Variants in PIK3CB observed in about 807,000 individuals in gnomAD.
The protein encoded by PIK3CB is phosphatidylinositol-4,5-bisphosphate 3-kinase catalytic subunit beta.
PIK3CB carries 39 observed loss-of-function variants against 136.8 expected under a neutral mutation model. The observed-to-expected ratio is 0.29, with a 90% CI of 0.22 to 0.37. The LOEUF (loss-of-function observed/expected upper bound fraction) is 0.37. Among genes scored for constraint, PIK3CB ranks in the 10% least tolerant of loss-of-function variants. The pLI, the probability that PIK3CB is intolerant of heterozygous loss-of-function variation, is 1.00. For synonymous variants in PIK3CB, 428 were observed against 436.6 expected (o/e 0.98, Z 0.25); for missense variants, 868 against 1,275.4 (o/e 0.68, Z 4.87).
At chr3:138,714,830 G>A in intron 8 of PIK3CB, 111 bp from the exon 9 acceptor site, 1 of 1,022,072 alleles carries the variant, frequency 9.8e-7, no homozygotes, top group South Asian at 1.8e-5. Flanking sequence ...TTATTTTGGA[G>A]AAGGAAGGAA....
intron 19 of PIK3CB, among the ~76,000 whole-genome samples, chr3:138,677,714 T>C (rs1032209687): frequency 1.3e-5 from 2 of 152,090 alleles, no homozygotes; most frequent in African/African-American, 4.8e-5. Flanking sequence ...CTGACCAACA[T>C]GGAGAAACCC....
intron 19 of PIK3CB, among the ~76,000 whole-genome samples, chr3:138,666,689 A>C (rs1368564800): frequency 5.3e-5 from 8 of 152,220 alleles, no homozygotes; most frequent in Non-Finnish European, 7.3e-5. Context: ...AATAAAGATC[A>C]GGTAGCTACA....
Position 138,705,646 on chromosome 3 carries a change from T to C in PIK3CB, c.1531-1153A>G, listed in dbSNP as rs912340803. Among the ~76,000 whole-genome samples, 22 of 152,318 alleles carry C rather than the reference T, an allele frequency of 1.4e-4. No homozygotes were observed. The East Asian group carries it at 4.2e-3, about 29-fold the overall frequency. Reference sequence around the variant, plus strand: ...ATTTAATTTGCTAATACTTTAAATGTACAGGTAGATTATCTTAAGTATTTA... The same window carrying C: ...ATTTAATTTGCTAATACTTTAAATGCACAGGTAGATTATCTTAAGTATTTA... On this transcript the variant is annotated intron_variant, in intron 11 of 23. Coordinates refer to ENST00000674063, the MANE Select transcript of PIK3CB (RefSeq NM_006219.3).
intron 2 of PIK3CB, among the ~76,000 whole-genome samples, chr3:138,775,355 T>C (rs1259130882): frequency 6.6e-6 from 1 of 152,222 alleles, no homozygotes; most frequent in Non-Finnish European, 1.5e-5. Flanking sequence ...ACACACTTGA[T>C]TGGGAGATGA....
At chr3:138,713,561 C>T (rs2044547983) in intron 9 of PIK3CB, among the ~76,000 whole-genome samples, 1 of 151,996 alleles carries the variant, frequency 6.6e-6, no homozygotes, top group Non-Finnish European at 1.5e-5. Context: ...ACCCCATTTA[C>T]TCAGGAGGCT....
intron 2 of PIK3CB, among the ~76,000 whole-genome samples, chr3:138,788,063 C>T (rs1460084212): frequency 6.6e-6 from 1 of 151,878 alleles, no homozygotes; most frequent in East Asian, 2.0e-4. Context: ...GCTGGCTCTA[C>T]AGGCATGCAC....
chr3:138,819,070 C>T (rs1009980739), intron 1 of PIK3CB, among the ~76,000 whole-genome samples: 35 of 152,146 alleles, frequency 2.3e-4, no homozygotes, highest in Non-Finnish European at 1.6e-4. Context: ...ACTACCGGGC[C>T]GGGCGCAGTG....
intron 19 of PIK3CB, among the ~76,000 whole-genome samples, chr3:138,669,787 TGTACAGAAG>T (rs2043496022): frequency 6.6e-6 from 1 of 152,154 alleles, no homozygotes; most frequent in Non-Finnish European, 1.5e-5. Context: ...AAAACAGTAA[TGTACAGAAG>T]GTACCTCAAG....
At chr3:138,719,402 T>C (rs946345529) in intron 8 of PIK3CB, among the ~76,000 whole-genome samples, 1 of 151,860 alleles carries the variant, frequency 6.6e-6, no homozygotes, top group Admixed American at 6.6e-5. Context: ...CGCACCACCA[T>C]GCCTGGCTAA....
chr3:138,810,846 G>T (rs1467340217), intron 1 of PIK3CB, among the ~76,000 whole-genome samples: 2 of 151,954 alleles, frequency 1.3e-5, no homozygotes, highest in Non-Finnish European at 2.9e-5. Flanking sequence ...CATGAACCCG[G>T]GAAGCGGAGC....
chr3:138,729,344 A>G (rs1004914254), intron 8 of PIK3CB, among the ~76,000 whole-genome samples: 1 of 152,070 alleles, frequency 6.6e-6, no homozygotes, highest in Admixed American at 6.6e-5. Context: ...ATTAGGTCAC[A>G]GGGTACCCTG....
At chr3:138,665,859 C>T (rs893099659) in intron 19 of PIK3CB, among the ~76,000 whole-genome samples, 1 of 152,120 alleles carries the variant, frequency 6.6e-6, no homozygotes. Context: ...TGTGAGCCAC[C>T]ACATCAGAGC....
At chr3:138,825,052 C>A (rs189456062) in intron 1 of PIK3CB, 10 of 237,184 alleles carry the variant, frequency 4.2e-5, no homozygotes, top group African/African-American at 6.8e-5. Context: ...CAGAGTGAGA[C>A]CCTGTCAAAA....
rs2043587900 is a variant in PIK3CB, at chr3:138,673,731, G to GA, written c.2504+8235dup. On this transcript the variant is annotated intron_variant, in intron 19 of 23. Coordinates refer to ENST00000674063, the MANE Select transcript of PIK3CB (RefSeq NM_006219.3). ...CATACACACACACACACCCCAACGTGAATCTGTTTTGTTTTACCATGGCCT... is the reference window on the plus strand; with the variant it reads ...CATACACACACACACACCCCAACGTGAAATCTGTTTTGTTTTACCATGGCCT... 2.0e-5 allele frequency among the ~76,000 whole-genome samples: 3 copies of GA among 152,102 alleles called. No homozygotes were observed. In the South Asian group the frequency reaches 6.2e-4, roughly 32 times the overall value.
chr3:138,670,524 A>T (rs555845037), intron 19 of PIK3CB, among the ~76,000 whole-genome samples: 3 of 152,336 alleles, frequency 2.0e-5, no homozygotes, highest in Admixed American at 2.0e-4. Context: ...TAGGCACTAC[A>T]GACTAAACAC....
chr3:138,665,090 G>A lies in PIK3CB; in HGVS notation c.2618C>T (p.Ala873Val), dbSNP rs746011245. The change falls in exon 20 of 24, where the codon GCA (alanine) becomes GTA (valine). Residue 873 changes from alanine (A) to valine (V), a missense_variant. By Grantham distance (64) the Ala-to-Val change is moderately conservative (BLOSUM62 0). Around this residue, in one of 4 missense-constraint regions of PIK3CB, gnomAD observed 165 missense variants for 295.4 expected, o/e 0.56. Transcript: ENST00000674063. ...AAGGGCATCTTTGTTGAAGGCTGCT[G>A]CAGCAGCCACATTGCTACTGTTCAG... is the stretch of plus-strand genomic sequence containing the variant. The part of the protein sequence containing the change: ...IQLNSSNVAA[A>V]AAFNKDALLN... 1 of 1,613,212 alleles carries A rather than the reference G, an allele frequency of 6.2e-7. No individual in the cohort carries two copies. Among genetic ancestry groups the A allele is most frequent in the South Asian group, 1.1e-5 (1 of 90,924 alleles).
chr3:138,688,990 G>A lies in PIK3CB; in HGVS notation c.2037-16C>T, dbSNP rs2108500828. 1 of 1,487,126 alleles carries A rather than the reference G, an allele frequency of 6.7e-7. No homozygotes were observed. Among genetic ancestry groups the A allele is most frequent in the South Asian group, 1.1e-5 (1 of 88,138 alleles). The allele number at this position is 1,487,126 out of a possible 1,614,324, so 92.1% of individuals were successfully genotyped here. A position where few individuals can be genotyped will look rare whatever the true frequency, so the allele number is the denominator to read the frequency against. ...CACTTCTGACCTGCAGAAAGTTAAT[G>A]ATATCTGAACAGTTTGTTTATCAAA... On this transcript the variant is annotated splice_polypyrimidine_tract_variant and intron_variant, in intron 15 of 23. Coordinates refer to ENST00000674063, the MANE Select transcript of PIK3CB (RefSeq NM_006219.3).
chr3:138,796,202 G>C lies in PIK3CB; in HGVS notation c.-17+261C>G, dbSNP rs181391873. ...GTTCAACACCAGCCTGGCCAACATG[G>C]TGAAACCCCGTCTCTACTAAAAATA... On this transcript the variant is annotated intron_variant, in intron 2 of 23. Coordinates refer to ENST00000674063, the MANE Select transcript of PIK3CB (RefSeq NM_006219.3). Among the ~76,000 whole-genome samples the C allele has an allele frequency of 2.9e-3, 447 of 152,038 alleles. 5 individuals carry two copies. The highest frequency in any genetic ancestry group is 9.0e-3 in the African/African-American group (375 of 41,496).
chr3:138,798,805 C>A (rs2046138120), intron 1 of PIK3CB, among the ~76,000 whole-genome samples: 1 of 152,048 alleles, frequency 6.6e-6, no homozygotes, highest in African/African-American at 2.4e-5. Context: ...CTGAAGTCAT[C>A]AACCCAAGAT....
Sources: gnomAD v4.1 joint callset for allele counts (sites outside exome capture counted in the v4.1 genomes callset) on GRCh38, gnomAD v4.1.1 for gene constraint, gnomAD v4.1.1 regional missense constraint, MANE v1.5 for transcripts, NCBI Gene and HGNC (gene_info 2026-07-23, HGNC 2026-07-21) for gene names.